TTLL13: variants seen among roughly 807,000 people sequenced by gnomAD.
TTLL13 encodes tubulin tyrosine ligase like 13, also known as tubulin polyglutamylase TTLL13.
At chr15:90,250,866 G>A in the TTLL13 span, 733 of 1,613,982 alleles carry the variant, frequency 4.5e-4, no homozygotes, top group Non-Finnish European at 5.6e-4. Flanking sequence ...GCTGGGAGGA[G>A]GAAGAGAAGG....
chr15:90,254,568 C>T, the TTLL13 span, among the ~76,000 whole-genome samples: 2 of 135,914 alleles, frequency 1.5e-5, no homozygotes, highest in African/African-American at 5.1e-5. Flanking sequence ...GCACGGTGGA[C>T]GGTGGCTCTC....
the TTLL13 span, chr15:90,257,819 C>A: frequency 7.9e-7 from 1 of 1,262,918 alleles, no homozygotes; most frequent in Non-Finnish European, 1.1e-6. Context: ...GGCTAATTGC[C>A]CAGGGAAACT....
chr15:90,252,861 G>C, the TTLL13 span, among the ~76,000 whole-genome samples: 1 of 152,128 alleles, frequency 6.6e-6, no homozygotes, highest in Non-Finnish European at 1.5e-5. Context: ...AAATTACCCA[G>C]GTGTGGTGGT....
chr15:90,263,249 C>A, the TTLL13 span: 1 of 1,092,740 alleles, frequency 9.2e-7, no homozygotes, highest in Non-Finnish European at 1.3e-6. Context: ...TGGTATCTGT[C>A]AGTGGAGCCT....
the TTLL13 span, chr15:90,262,728 T>C: frequency 4.3e-6 from 6 of 1,400,402 alleles, no homozygotes; most frequent in Admixed American, 2.9e-5. Context: ...GACAACTAGA[T>C]AGGGGAATGA....
the TTLL13 span, chr15:90,263,091 C>G: frequency 5.2e-6 from 8 of 1,535,976 alleles, no homozygotes; most frequent in African/African-American, 1.1e-4. Context: ...TAGAGCAGCT[C>G]ACCCGTCTGC....
chr15:90,253,769 G>A, the TTLL13 span, among the ~76,000 whole-genome samples: 2 of 152,192 alleles, frequency 1.3e-5, no homozygotes, highest in African/African-American at 4.8e-5. Flanking sequence ...AGACTGCGGG[G>A]TCCTGCCTGG....
the TTLL13 span, chr15:90,257,003 T>C: frequency 2.4e-6 from 2 of 849,106 alleles, no homozygotes; most frequent in Non-Finnish European, 3.6e-6. Context: ...ATTTATTAAG[T>C]GGGAGTAATA....
At chr15:90,263,644 G>A in the TTLL13 span, 26 of 597,602 alleles carry the variant, frequency 4.4e-5, no homozygotes, top group African/African-American at 1.5e-4. Context: ...AATAGTGGCC[G>A]CGGCCTAGAA....
chr15:90,259,049 A>G, the TTLL13 span: 5 of 1,538,630 alleles, frequency 3.2e-6, no homozygotes, highest in Non-Finnish European at 4.4e-6. Context: ...TGCATAGATA[A>G]TATGTTCATA....
chr15:90,251,552 A>T, the TTLL13 span: 11 of 1,613,806 alleles, frequency 6.8e-6, no homozygotes, highest in Admixed American at 1.8e-4. Flanking sequence ...CCTCCATTCC[A>T]GATCACTGGC....
At chr15:90,258,624 G>C in the TTLL13 span, 1 of 861,258 alleles carries the variant, frequency 1.2e-6, no homozygotes, top group Non-Finnish European at 1.8e-6. Flanking sequence ...AGAGCATCCA[G>C]CCTCCCCGGC....
the TTLL13 span, among the ~76,000 whole-genome samples, chr15:90,254,349 C>G: frequency 6.7e-6 from 1 of 149,172 alleles, no homozygotes; most frequent in African/African-American, 2.5e-5. Flanking sequence ...AAAAATTAAC[C>G]AGGCATGGTG....
chr15:90,262,752 T>C, the TTLL13 span: 1 of 1,309,774 alleles, frequency 7.6e-7, no homozygotes, highest in Admixed American at 2.9e-5. Flanking sequence ...TCTGCTGTCT[T>C]CTCCTCCCCA....
chr15:90,258,721 G>A, the TTLL13 span: 3 of 1,607,172 alleles, frequency 1.9e-6, no homozygotes, highest in East Asian at 2.2e-5. Context: ...GGAAAGGGGT[G>A]TATAATGACT....
the TTLL13 span, among the ~76,000 whole-genome samples, chr15:90,256,589 CTTTCTTTCTTTCTTTCT>C: frequency 4.0e-3 from 138 of 34,868 alleles, no homozygotes; most frequent in Middle Eastern, 0.037. Context: ...TTCTTTCTTT[CTTTCTTTCTTTCTTTCT>C]TTCCTTCCTT....
At chr15:90,265,378 A>G in the TTLL13 span, 1 of 1,237,512 alleles carries the variant, frequency 8.1e-7, no homozygotes, top group Non-Finnish European at 1.0e-6. Flanking sequence ...AGCCCTGCCC[A>G]CCGAGGTGGC....
chr15:90,258,108 G>A, the TTLL13 span: 8 of 1,614,054 alleles, frequency 5.0e-6, no homozygotes, highest in Admixed American at 1.7e-5. Context: ...GGGGGACATC[G>A]AGGACATCAT....
chr15:90,261,380 CTTT>C, the TTLL13 span, among the ~76,000 whole-genome samples: 1 of 141,390 alleles, frequency 7.1e-6, no homozygotes. Context: ...TGCCCGGCCA[CTTT>C]TTTTTTTTTT....
Sources: gnomAD v4.1 joint callset for allele counts (sites outside exome capture counted in the v4.1 genomes callset) on GRCh38, gnomAD v4.1.1 for gene constraint, MANE v1.5 for transcripts, NCBI Gene and HGNC (gene_info 2026-07-23, HGNC 2026-07-21) for gene names.